Variants in STRA6 observed in about 807,000 individuals in gnomAD.
STRA6 encodes signaling receptor and transporter of retinol STRA6.
Under a neutral mutation model 83.6 loss-of-function variants are expected in STRA6, and 48 were observed. The ratio of observed to expected loss-of-function variants is 0.57; its 90% CI spans 0.46 to 0.73. The LOEUF is 0.73. STRA6 is among the 30% of genes least tolerant of loss of function. The pLI, the probability that STRA6 is intolerant of heterozygous loss-of-function variation, is 0.00. For synonymous variants in STRA6, 353 were observed against 362.3 expected (o/e 0.97, Z 0.29); for missense variants, 760 against 838.8 (o/e 0.91, Z 1.16).
In STRA6 at chr15:74,193,912, T is replaced by C. The variant is rs1595848874; in HGVS notation, c.608A>G (p.Tyr203Cys). 1.9e-6 allele frequency: 3 copies of C among 1,613,380 alleles called. No individual in the cohort carries two copies. The highest frequency in any genetic ancestry group is 2.5e-6 in the Non-Finnish European group (3 of 1,179,502). The part of the protein sequence containing the change: ...ECPQVPKIYK[Y>C]YSLLASLPLL... Reference sequence around the variant, plus strand: ...AGGCAGGGAGGCCAGCAGGGAGTAGTACTTGTAGATCTGGACAGACAAACA... The same window carrying C: ...AGGCAGGGAGGCCAGCAGGGAGTAGCACTTGTAGATCTGGACAGACAAACA... The change falls in exon 8 of 19, where the codon TAC becomes TGC. Residue 203 changes from tyrosine to cysteine, a missense_variant. Physicochemically the swap from Tyr to Cys is radical, Grantham distance 194. Transcript: ENST00000395105.
intron 14 of STRA6, chr15:74,183,310 A>G (rs1299063163): frequency 9.8e-6 from 2 of 203,750 alleles, no homozygotes; most frequent in Non-Finnish European, 2.0e-5. Context: ...CAGTGGTGCA[A>G]TCTCGGCTCA....
intron 1 of STRA6, among the ~76,000 whole-genome samples, chr15:74,208,589 G>T (rs911156360): frequency 2.6e-5 from 4 of 152,114 alleles, no homozygotes; most frequent in African/African-American, 9.7e-5. Flanking sequence ...GCCTTTTGGA[G>T]CTCCTGCTAG....
In STRA6 at chr15:74,187,644, G is replaced by C. The variant is rs2073320003; in HGVS notation, c.1090+1471C>G. 2.0e-5 allele frequency among the ~76,000 whole-genome samples: 3 copies of C among 152,102 alleles called. No individual in the cohort carries two copies. In the South Asian group the frequency reaches 6.2e-4, roughly 32 times the overall value. On this transcript the variant is annotated intron_variant, in intron 12 of 18. Coordinates refer to ENST00000395105, the MANE Select transcript of STRA6 (RefSeq NM_022369.4). ...TCCTTAGGCGAAGGACAGACCAAGG[G>C]ACACTGGAGCCCAGGTTGCGGGATG... is the stretch of plus-strand genomic sequence containing the variant.
In STRA6 at chr15:74,179,996, G is replaced by C; in HGVS notation, c.*84C>G. The C allele has an allele frequency of 1.3e-6, 2 of 1,552,508 alleles. No homozygotes were observed. Among genetic ancestry groups the C allele is most frequent in the Admixed American group, 3.4e-5 (2 of 58,884 alleles). On this transcript the variant is annotated 3_prime_UTR_variant, in exon 19 of 19. Transcript: ENST00000395105. ...CTGGCTGCATGGCTGGTGTGATGCTGGGAGGAGAGCCGGGGAGGGAGGAGG... is the reference window on the plus strand; with the variant it reads ...CTGGCTGCATGGCTGGTGTGATGCTCGGAGGAGAGCCGGGGAGGGAGGAGG...
rs1287605892 is a variant in STRA6, at chr15:74,197,423, T to A, written c.181A>T (p.Ile61Phe). Residue 61 changes from isoleucine (I) to phenylalanine (F), a missense_variant and splice_region_variant, in exon 4 of 19, where the codon ATC becomes TTC. Coordinates refer to ENST00000395105, the MANE Select transcript of STRA6 (RefSeq NM_022369.4). ...LYHACLASLSILVLLLLAMLV... is the reference protein window; with the variant it reads ...LYHACLASLSFLVLLLLAMLV... ...ATGGCCAGGAGCAGCAGCACAAGGA[T>A]CTGAAAGGAGAGTGCAGAGGAGGGC... 1.3e-5 allele frequency: 20 copies of A among 1,550,174 alleles called. No individual in the cohort carries two copies. In the East Asian group the frequency reaches 4.9e-4, roughly 38 times the overall value.
At chr15:74,209,500 G>A (rs749059658), upstream of STRA6, 2 of 1,487,368 alleles carry the variant, frequency 1.3e-6, no homozygotes, top group East Asian at 2.5e-5. Context: ...ACAGCTAAGG[G>A]GAGTCATCAC....
rs770198613 is a variant in STRA6, at chr15:74,193,813, C to T, written c.707G>A (p.Gly236Glu). The T allele has an allele frequency of 6.2e-7, 1 of 1,613,872 alleles. No homozygotes were observed. The highest frequency in any genetic ancestry group is 8.5e-7 in the Non-Finnish European group (1 of 1,179,836). ...CTGCCCCTTTACCTTGGAGCCTGCT[C>T]CTGTCCTACGGCTGAAGCTTCTCAC... ...QLVRSFSRRT[G>E]AGSKGLQSSY... Residue 236 changes from glycine (G) to glutamate (E), a missense_variant, in exon 8 of 19, where the codon GGA (glycine) becomes GAA (glutamate). Gly to Glu is a moderately conservative substitution (Grantham distance 98). Transcript: ENST00000395105.
At chr15:74,207,677 G>T, upstream of STRA6, 1 of 1,533,532 alleles carries the variant, frequency 6.5e-7, no homozygotes, top group South Asian at 1.2e-5. Flanking sequence ...CAGGAGTGGG[G>T]GGATGGCCAC....
chr15:74,190,497 C>T (rs773926649), intron 11 of STRA6, among the ~76,000 whole-genome samples: 1 of 151,894 alleles, frequency 6.6e-6, no homozygotes, highest in Non-Finnish European at 1.5e-5. Flanking sequence ...CCCAATTACT[C>T]AAAGAGGAAA....
In STRA6 at chr15:74,186,055, G is replaced by A. The variant is rs571500409; in HGVS notation, c.1091-1000C>T. 1.8e-4 allele frequency among the ~76,000 whole-genome samples: 28 copies of A among 152,312 alleles called. 1 individual carries two copies. The South Asian group carries it at 2.9e-3, about 16-fold the overall frequency. ...GATTAGAGTGGTGGATCTCAGCACC[G>A]ATAGCGCCTTTAGGATCACCTGGAG... On this transcript the variant is annotated intron_variant, in intron 12 of 18. Coordinates refer to ENST00000395105, the MANE Select transcript of STRA6 (RefSeq NM_022369.4).
In STRA6 at chr15:74,195,320, C is replaced by T. The variant is rs2073756801; in HGVS notation, c.579G>A (p.Glu193=). 4 of 1,612,570 alleles carry T rather than the reference C, an allele frequency of 2.5e-6. No homozygotes were observed. Among genetic ancestry groups the T allele is most frequent in the Admixed American group, 3.3e-5 (2 of 59,972 alleles). Residue 193 remains glutamate, a synonymous_variant, in exon 7 of 19, where the codon GAG becomes GAA. Coordinates refer to ENST00000395105, the MANE Select transcript of STRA6 (RefSeq NM_022369.4). The part of the protein sequence containing the change: ...HLGVQVWQRA[E]CPQVPKIYKY... Reference sequence around the variant, plus strand: ...CGGTTACCTTGGGCACCTGGGGACACTCTGCCCTCTGCCAGACCTGGACCC... The same window carrying T: ...CGGTTACCTTGGGCACCTGGGGACATTCTGCCCTCTGCCAGACCTGGACCC...
intron 16 of STRA6, 67 bp from the exon 17 acceptor site, chr15:74,181,525 A>G: frequency 6.3e-7 from 1 of 1,581,472 alleles, no homozygotes; most frequent in Non-Finnish European, 8.6e-7. Context: ...TCAGTGTCAG[A>G]CCTGGATGCC....
At chr15:74,197,538 TG>T (rs2073875269) in intron 3 of STRA6, 115 bp from the exon 4 acceptor site, 10 of 1,101,722 alleles carry the variant, frequency 9.1e-6, no homozygotes, top group Non-Finnish European at 1.4e-5. Context: ...TGCACACTCA[TG>T]TGACATCTTG....
upstream of STRA6, chr15:74,209,389 G>T (rs1288758689): frequency 6.5e-7 from 1 of 1,535,586 alleles, no homozygotes; most frequent in Admixed American, 2.0e-5. Flanking sequence ...CACTCCCAGG[G>T]GGCCACTGCC....
chr15:74,191,240 G>A lies in STRA6; in HGVS notation c.792C>T (p.Tyr264=). Residue 264 remains tyrosine (Y), a synonymous_variant, in exon 10 of 19, where the codon TAC becomes TAT. Transcript: ENST00000395105. ...ACAGGAAGCCATGCTTGGAGGTGTG[G>A]TAGCTGCAGAAAGACCCAGGCAGGT... is the stretch of plus-strand genomic sequence containing the variant. ...LLCRKKLGSS[Y]HTSKHGFLSW... is the part of the protein sequence containing the mutation. The A allele has an allele frequency of 6.2e-7, 1 of 1,613,730 alleles. No individual in the cohort carries two copies. Among genetic ancestry groups the A allele is most frequent in the Middle Eastern group, 1.7e-4 (1 of 6,060 alleles).
intron 12 of STRA6, 95 bp downstream of exon 12, chr15:74,189,020 C>G: frequency 1.4e-6 from 2 of 1,448,734 alleles, no homozygotes; most frequent in Non-Finnish European, 1.9e-6. Flanking sequence ...TGTCCAAGGG[C>G]CCCCAGTGTG....
chr15:74,194,233 T>C (rs1395706712), intron 7 of STRA6, among the ~76,000 whole-genome samples: 1 of 152,230 alleles, frequency 6.6e-6, no homozygotes, highest in Admixed American at 6.5e-5. Context: ...TCTGTTTCTG[T>C]GTTCCCGGAG....
chr15:74,207,444 C>G (rs2142111417), upstream of STRA6, among the ~76,000 whole-genome samples: 1 of 152,262 alleles, frequency 6.6e-6, no homozygotes, highest in East Asian at 1.9e-4. Flanking sequence ...GACACTCAAA[C>G]TCTGGCAAAC....
In STRA6 at chr15:74,189,167, C is replaced by T. The variant is rs759378768; in HGVS notation, c.1038G>A (p.Glu346=). 1 of 1,614,126 alleles carries T rather than the reference C, an allele frequency of 6.2e-7. No individual in the cohort carries two copies. Among genetic ancestry groups the T allele is most frequent in the South Asian group, 1.1e-5 (1 of 91,050 alleles). ...CCAGCTCCACCACCTCCTGCTTGTC[C>T]TCGGAGAGCACGATTCCAAAGCCGG... ...LLAGFGIVLS[E]DKQEVVELVK... is the part of the protein sequence containing the mutation. The change falls in exon 12 of 19, where the codon GAG becomes GAA. Residue 346 remains glutamate (E), a synonymous_variant. Coordinates refer to ENST00000395105, the MANE Select transcript of STRA6 (RefSeq NM_022369.4).
Sources: allele counts gnomAD v4.1 joint callset (sites outside exome capture counted in the v4.1 genomes callset), GRCh38; gene constraint gnomAD v4.1.1; transcripts MANE v1.5; gene names NCBI Gene and HGNC (gene_info 2026-07-23, HGNC 2026-07-21).